The following CNTN4 variants were observed in gnomAD, a reference collection of about 807,000 sequenced individuals.
CNTN4 encodes contactin 4.
Under a neutral mutation model 122.5 loss-of-function variants are expected in CNTN4, and 77 were observed. That is an observed-to-expected ratio of 0.63 (90% CI 0.52 to 0.76). The LOEUF is 0.76. CNTN4 is among the 30% of genes least tolerant of loss of function. The pLI, the probability that CNTN4 is intolerant of heterozygous loss-of-function variation, is 0.00. For missense variants in CNTN4, 1,256 were observed against 1,259.1 expected, an observed-to-expected ratio of 1.00 and a Z score of 0.04; for synonymous variants, 512 against 447.0, an observed-to-expected ratio of 1.15 and a Z score of -1.83.
chr3:2,904,511 G>A (rs530686229), intron 12 of CNTN4, among the ~76,000 whole-genome samples: 1 of 152,276 alleles, frequency 6.6e-6, no homozygotes, highest in South Asian at 2.1e-4. Flanking sequence ...TTTCAAAGAG[G>A]CCTAGTAATG....
At chr3:2,876,996 G>GCATCTCAACTTACT (rs552084579) in intron 8 of CNTN4, among the ~76,000 whole-genome samples, 189 of 152,312 alleles carry the variant, frequency 1.2e-3, no homozygotes, top group African/African-American at 4.2e-3. Context: ...TTCATAGGCT[G>GCATCTCAACTTACT]CATCTCAACT....
intron 3 of CNTN4, among the ~76,000 whole-genome samples, chr3:2,550,044 C>T (rs1471568450): frequency 1.3e-5 from 2 of 152,016 alleles, no homozygotes; most frequent in African/African-American, 4.8e-5. Context: ...TCAGTGTTTA[C>T]ATCCCCTTGG....
intron 2 of CNTN4, among the ~76,000 whole-genome samples, chr3:2,215,126 A>T: frequency 6.6e-6 from 1 of 152,212 alleles, no homozygotes; most frequent in East Asian, 1.9e-4. Flanking sequence ...CTTCAGATGT[A>T]TTAAATATTC....
At chr3:2,703,095 T>G (rs2086450699) in intron 4 of CNTN4, among the ~76,000 whole-genome samples, 1 of 151,152 alleles carries the variant, frequency 6.6e-6, no homozygotes, top group African/African-American at 2.4e-5. Context: ...ATAGTTATTC[T>G]TATTATCCTA....
chr3:2,335,629 G>A (rs1395969246), intron 2 of CNTN4, among the ~76,000 whole-genome samples: 1 of 149,836 alleles, frequency 6.7e-6, no homozygotes, highest in Non-Finnish European at 1.5e-5. Context: ...ATGAAATTGG[G>A]TATCTACCTA....
chr3:2,134,920 C>T (rs548492510), intron 2 of CNTN4, among the ~76,000 whole-genome samples: 1 of 152,274 alleles, frequency 6.6e-6, no homozygotes, highest in Admixed American at 6.5e-5. Flanking sequence ...ATGTTAACCT[C>T]ATCCAAAATA....
At chr3:2,147,052 T>G (rs1224412202) in intron 2 of CNTN4, among the ~76,000 whole-genome samples, 1 of 152,078 alleles carries the variant, frequency 6.6e-6, no homozygotes, top group Non-Finnish European at 1.5e-5. Context: ...AGCTAATTTT[T>G]GTATTTTTAG....
chr3:3,051,215 TC>T (rs755300172), intron 23 of CNTN4, among the ~76,000 whole-genome samples: 30 of 152,152 alleles, frequency 2.0e-4, no homozygotes, highest in Non-Finnish European at 2.8e-4. Flanking sequence ...GTGGAAGTAG[TC>T]TATAATATTT....
chr3:2,577,273 G>C (rs189057898), intron 4 of CNTN4, among the ~76,000 whole-genome samples: 23 of 152,268 alleles, frequency 1.5e-4, no homozygotes, highest in African/African-American at 2.9e-4. Context: ...TCAGTAATTA[G>C]AAAGAAAGCA....
At chr3:2,243,629 C>A (rs2040025430) in intron 2 of CNTN4, among the ~76,000 whole-genome samples, 2 of 151,998 alleles carry the variant, frequency 1.3e-5, no homozygotes. Flanking sequence ...TGGGTGAAAG[C>A]TTATTAGTAA....
chr3:2,357,021 A>G (rs1167167352), intron 3 of CNTN4, among the ~76,000 whole-genome samples: 1 of 152,202 alleles, frequency 6.6e-6, no homozygotes, highest in African/African-American at 2.4e-5. Context: ...GTTTATTATT[A>G]CAACTTGATA....
intron 3 of CNTN4, among the ~76,000 whole-genome samples, chr3:2,382,289 C>G (rs927763235): frequency 1.5e-4 from 23 of 151,778 alleles, no homozygotes; most frequent in Admixed American, 1.3e-4. Context: ...CCTGCCTCAG[C>G]CTCCCGAGTA....
intron 2 of CNTN4, among the ~76,000 whole-genome samples, chr3:2,266,281 G>T (rs574030331): frequency 2.1e-4 from 32 of 152,094 alleles, no homozygotes; most frequent in African/African-American, 7.5e-4. Context: ...GAGGGCTGTT[G>T]AATTTTATTT....
At chr3:2,158,221 T>C (rs564548288) in intron 2 of CNTN4, among the ~76,000 whole-genome samples, 1 of 152,308 alleles carries the variant, frequency 6.6e-6, no homozygotes, top group South Asian at 2.1e-4. Flanking sequence ...GACAAATGAC[T>C]TACAAAGGGC....
chr3:2,874,177 A>G (rs889285582), intron 8 of CNTN4, among the ~76,000 whole-genome samples: 22 of 152,170 alleles, frequency 1.4e-4, no homozygotes, highest in African/African-American at 4.8e-4. Flanking sequence ...AGCCAATTCC[A>G]TTTCAGGTCC....
chr3:2,534,407 G>A (rs1485010006), intron 3 of CNTN4, among the ~76,000 whole-genome samples: 4 of 152,136 alleles, frequency 2.6e-5, no homozygotes, highest in Admixed American at 1.3e-4. Flanking sequence ...TCAAAGATGT[G>A]TGGTATTATT....
chr3:2,100,017 G>T (rs1276506992), intron 1 of CNTN4, among the ~76,000 whole-genome samples: 1 of 152,306 alleles, frequency 6.6e-6, no homozygotes, highest in Admixed American at 6.5e-5. Flanking sequence ...AGGCGGCTTC[G>T]CGCGTCGGGA....
chr3:2,906,455 G>A (rs1483057863), intron 12 of CNTN4, among the ~76,000 whole-genome samples: 1 of 151,642 alleles, frequency 6.6e-6, no homozygotes, highest in Admixed American at 6.6e-5. Flanking sequence ...ATACAATTGT[G>A]TCTGTCAATC....
chr3:3,041,378 T>C (rs1700149382), intron 20 of CNTN4, among the ~76,000 whole-genome samples: 1 of 152,172 alleles, frequency 6.6e-6, no homozygotes, highest in African/African-American at 2.4e-5. Context: ...CTTCAACTTC[T>C]CTTAGATAAT....
Sources: gnomAD v4.1 joint callset for allele counts (sites outside exome capture counted in the v4.1 genomes callset) on GRCh38, gnomAD v4.1.1 for gene constraint, MANE v1.5 for transcripts, NCBI Gene and HGNC (gene_info 2026-07-23, HGNC 2026-07-21) for gene names.